CD4: variants seen among roughly 807,000 people sequenced by gnomAD.
The protein encoded by CD4 is CD4 molecule.
In CD4, 25 loss-of-function variants were observed where a neutral mutation model predicts 50.5. The ratio of observed to expected loss-of-function variants is 0.49; its 90% CI spans 0.36 to 0.69. CD4 has a LOEUF of 0.69. Among genes scored for constraint, CD4 ranks in the 30% least tolerant of loss-of-function variants. The pLI, the probability that CD4 is intolerant of heterozygous loss-of-function variation, is 0.00. For missense variants in CD4, 456 were observed against 548.5 expected, an observed-to-expected ratio of 0.83 and a Z score of 1.68; for synonymous variants, 207 against 221.9, an observed-to-expected ratio of 0.93 and a Z score of 0.60.
At chr12:6,815,902 G>C in intron 5 of CD4, 154 bp from the exon 6 acceptor site, 1 of 1,521,342 alleles carries the variant, frequency 6.6e-7, no homozygotes, top group Non-Finnish European at 8.8e-7. Flanking sequence ...AGGCTGGAGA[G>C]GTAGGAAGGA....
At chr12:6,797,994 T>A (rs949486252) in intron 1 of CD4, among the ~76,000 whole-genome samples, 28 of 151,932 alleles carry the variant, frequency 1.8e-4, no homozygotes, top group African/African-American at 6.0e-4. Context: ...GGCTGTAAGG[T>A]CTTTCCCTTC....
At chr12:6,804,461 TAATA>T (rs1942664088) in intron 3 of CD4, among the ~76,000 whole-genome samples, 1 of 152,230 alleles carries the variant, frequency 6.6e-6, no homozygotes, top group African/African-American at 2.4e-5. Flanking sequence ...TTCTTAGAAT[TAATA>T]AATGAATTCA....
At chr12:6,806,956 A>G (rs1281070859) in intron 3 of CD4, among the ~76,000 whole-genome samples, 2 of 152,198 alleles carry the variant, frequency 1.3e-5, no homozygotes, top group Non-Finnish European at 2.9e-5. Context: ...TCACGAGGTC[A>G]GGAGATCGAG....
In CD4 at chr12:6,817,130, C is replaced by A. The variant is rs1407643795; in HGVS notation, c.956C>A (p.Ala319Asp). ...ATCTCAGCCTCTCGTTCCTCTGCAG[C>A]CACTCAGCTCCAGAAAAATTTGACC... is the stretch of plus-strand genomic sequence containing the variant. ...HQEVNLVVMR[A>D]TQLQKNLTCE... Residue 319 changes from alanine (A) to aspartate (D), a missense_variant and splice_region_variant, in exon 7 of 10, where the codon GCC becomes GAC. Transcript: ENST00000011653. 1.2e-6 allele frequency: 2 copies of A among 1,613,040 alleles called. No individual in the cohort carries two copies. Among genetic ancestry groups the A allele is most frequent in the Non-Finnish European group, 8.5e-7 (1 of 1,178,962 alleles).
At chr12:6,804,955 G>A (rs782241929) in intron 3 of CD4, among the ~76,000 whole-genome samples, 1 of 149,932 alleles carries the variant, frequency 6.7e-6, no homozygotes, top group South Asian at 2.1e-4. Context: ...GGCGGAGCTT[G>A]CAGTGAGCTG....
At chr12:6,794,361 C>G (rs1463233425) in intron 1 of CD4, among the ~76,000 whole-genome samples, 1 of 149,762 alleles carries the variant, frequency 6.7e-6, no homozygotes, top group East Asian at 2.0e-4. Context: ...GCCACCGTGC[C>G]TGGACATATA....
At chr12:6,800,219 A>C (rs1555114995) in intron 2 of CD4, 32 bp downstream of exon 2, 2 of 1,611,084 alleles carry the variant, frequency 1.2e-6, no homozygotes, top group East Asian at 4.5e-5. Flanking sequence ...CTCAATGCAG[A>C]TGACGTGGGA....
Position 6,820,681 on chromosome 12 carries a change from C to G in CD4, c.*1352C>G, listed in dbSNP as rs1209063773. ...TTCCTTCTCCTCCTGTCTTTAAAGC[C>G]TGCCTCTTCCAGGAAGACCCCCCTA... On this transcript the variant is annotated 3_prime_UTR_variant, in exon 10 of 10. Coordinates refer to ENST00000011653, the MANE Select transcript of CD4 (RefSeq NM_000616.5). 1 of 152,438 alleles carries G rather than the reference C, an allele frequency of 6.6e-6. No homozygotes were observed. Among genetic ancestry groups the G allele is most frequent in the African/African-American group, 2.4e-5 (1 of 41,438 alleles). 9.4% of individuals were successfully genotyped at this position (152,438 alleles called of 1,614,324 possible).
chr12:6,796,987 C>T (rs79814873), intron 1 of CD4, among the ~76,000 whole-genome samples: 228 of 152,332 alleles, frequency 1.5e-3, no homozygotes, highest in Non-Finnish European at 2.3e-3. Context: ...GGACACCTCT[C>T]CCCTTTCCTC....
At chr12:6,802,479 T>C (rs1335420297) in intron 3 of CD4, among the ~76,000 whole-genome samples, 1 of 151,932 alleles carries the variant, frequency 6.6e-6, no homozygotes, top group African/African-American at 2.4e-5. Flanking sequence ...CACCTAATTT[T>C]TTACTTTTTG....
chr12:6,804,937 A>G, intron 3 of CD4, among the ~76,000 whole-genome samples: 1 of 151,146 alleles, frequency 6.6e-6, no homozygotes, highest in East Asian at 2.0e-4. Flanking sequence ...AATGGCGTGA[A>G]CCTGGGAGGC....
chr12:6,814,356 C>A, intron 4 of CD4, 56 bp downstream of exon 4: 1 of 1,553,512 alleles, frequency 6.4e-7, no homozygotes, highest in Non-Finnish European at 8.7e-7. Context: ...TTCCCCACTA[C>A]TCCCACCCCT....
At chr12:6,793,964 CTATCTA>C (rs773600065) in intron 1 of CD4, among the ~76,000 whole-genome samples, 1,583 of 40,886 alleles carry the variant, frequency 0.039, 11 homozygotes, top group African/African-American at 0.1. Flanking sequence ...CGGCTTCTAT[CTATCTA>C]TATCTATCTA....
chr12:6,807,004 A>G (rs1158885813), intron 3 of CD4, among the ~76,000 whole-genome samples: 4 of 152,086 alleles, frequency 2.6e-5, no homozygotes, highest in Non-Finnish European at 1.5e-5. Flanking sequence ...TGTCTCTACT[A>G]AAAATACAAA....
At chr12:6,801,276 G>C (rs1942537339) in intron 3 of CD4, among the ~76,000 whole-genome samples, 1 of 151,222 alleles carries the variant, frequency 6.6e-6, no homozygotes, top group Non-Finnish European at 1.5e-5. Flanking sequence ...CAGAACTTTG[G>C]GAGTTTGAGG....
chr12:6,805,952 T>C (rs1416621522), intron 3 of CD4, among the ~76,000 whole-genome samples: 3 of 151,620 alleles, frequency 2.0e-5, no homozygotes, highest in Non-Finnish European at 4.4e-5. Flanking sequence ...AGACCCTGTC[T>C]CAAAAACAAA....
At chr12:6,809,890 C>CA (rs1555116754) in intron 3 of CD4, among the ~76,000 whole-genome samples, 1 of 125,984 alleles carries the variant, frequency 7.9e-6, no homozygotes, top group Non-Finnish European at 1.6e-5. Context: ...GCCTATACCT[C>CA]TTTTTTTTTT....
chr12:6,791,274 G>A (rs1433403928), intron 1 of CD4, among the ~76,000 whole-genome samples: 7 of 152,100 alleles, frequency 4.6e-5, no homozygotes, highest in East Asian at 3.9e-4. Flanking sequence ...ACGGAGTCTC[G>A]CTCTCTTGCC....
At chr12:6,796,251 T>C (rs1075835) in intron 1 of CD4, among the ~76,000 whole-genome samples, 115,555 of 152,002 alleles carry the variant, frequency 0.76, 44,089 homozygotes, top group Non-Finnish European at 0.77. Flanking sequence ...CAAATCACTA[T>C]ACACAAAGTA....
Sources: allele counts gnomAD v4.1 joint callset (sites outside exome capture counted in the v4.1 genomes callset), GRCh38; gene constraint gnomAD v4.1.1; transcripts MANE v1.5; gene names NCBI Gene and HGNC (gene_info 2026-07-23, HGNC 2026-07-21).